MCF2L: variants seen among roughly 807,000 people sequenced by gnomAD.
The protein encoded by MCF2L is MCF.2 cell line derived transforming sequence like.
Under a neutral mutation model 153.4 loss-of-function variants are expected in MCF2L, and 97 were observed. That is an observed-to-expected ratio of 0.63 (90% CI 0.54 to 0.75). MCF2L has a LOEUF of 0.75. MCF2L is among the 30% of genes least tolerant of loss of function. The pLI is 0.00. For missense variants in MCF2L, 1,347 were observed against 1,495.2 expected (o/e 0.90, Z 1.64); for synonymous variants, 659 against 632.2 (o/e 1.04, Z -0.64).
chr13:112,998,585 G>T (rs897109994), intron 1 of MCF2L, among the ~76,000 whole-genome samples: 1 of 152,188 alleles, frequency 6.6e-6, no homozygotes, highest in African/African-American at 2.4e-5. Flanking sequence ...GGGATGGGAT[G>T]GTCGTGTGTT....
In MCF2L at chr13:113,095,146, A is replaced by C; in HGVS notation, c.3075+511A>C. The C allele has an allele frequency of 5.4e-6, 7 of 1,297,432 alleles. No individual in the cohort carries two copies. In the South Asian group the frequency reaches 8.9e-5, roughly 17 times the overall value. 80.4% of individuals were successfully genotyped at this position (1,297,432 alleles called of 1,614,324 possible). A position where few individuals can be genotyped will look rare whatever the true frequency, so the allele number is the denominator to read the frequency against. On this transcript the variant is annotated intron_variant, in intron 27 of 29. Coordinates refer to ENST00000535094, the MANE Select transcript of MCF2L (RefSeq NM_001112732.3). ...TAAGCATGGATTTGCATTTGAAAAA[A>C]CATTCATTGTTAATGTCAGAAGCAA...
chr13:113,064,639 A>AG lies in MCF2L; in HGVS notation c.606+219_606+220insG. Reference sequence around the variant, plus strand: ...GTGGCTTTCTCTGGGCTTGGAGACCAAAAAAAAAAAAAAAACCCTTGCGTT... The same window carrying AG: ...GTGGCTTTCTCTGGGCTTGGAGACCAGAAAAAAAAAAAAAAACCCTTGCGTT... On this transcript the variant is annotated intron_variant, in intron 6 of 29. Transcript: ENST00000535094. The surrounding 1 kb of genome is among the most constrained non-coding windows in gnomAD (Gnocchi z 6.0). 7.0e-6 allele frequency: 1 copy of AG among 143,788 alleles called. No homozygotes were observed. Among genetic ancestry groups the AG allele is most frequent in the Admixed American group, 7.1e-5 (1 of 14,126 alleles). 8.9% of individuals were successfully genotyped at this position (143,788 alleles called of 1,614,324 possible).
At chr13:113,090,542 C>G in intron 26 of MCF2L, 1 of 985,120 alleles carries the variant, frequency 1.0e-6, no homozygotes, top group Non-Finnish European at 1.2e-6. Flanking sequence ...GGCCGCTCAG[C>G]CATCTTCTGG....
Position 112,932,468 on chromosome 13 carries a change from T to G in MCF2L, c.169+30097T>G, listed in dbSNP as rs1192532120. Among the ~76,000 whole-genome samples, 2 of 152,160 alleles carry G rather than the reference T, an allele frequency of 1.3e-5. No homozygotes were observed. Among genetic ancestry groups the G allele is most frequent in the African/African-American group, 2.4e-5 (1 of 41,444 alleles). ...ACAGAAGAATATATTAGGCAAAAAC[T>G]GTGGAAACCTGAATAAACTGTGCAT... On this transcript the variant is annotated intron_variant, in intron 2 of 29. Transcript: ENST00000375608. This position sits in a 1 kb window ranked among gnomAD's most constrained non-coding sequence, Gnocchi z 4.6.
chr13:112,960,802 T>A lies in MCF2L; in HGVS notation c.170-53961T>A, dbSNP rs2081816259. Among the ~76,000 whole-genome samples the A allele has an allele frequency of 6.6e-6, 1 of 152,042 alleles. No individual in the cohort carries two copies. The highest frequency in any genetic ancestry group is 1.9e-4 in the East Asian group (1 of 5,186). ...TGGCCGCACCACCCAGACCCTTACA[T>A]CCATCCTCACATCTCCTCCCTGCCT... is the stretch of plus-strand genomic sequence containing the variant. On this transcript the variant is annotated intron_variant, in intron 2 of 29. Transcript: ENST00000375608. The surrounding 1 kb of genome is among the most constrained non-coding windows in gnomAD (Gnocchi z 4.2).
intron 1 of MCF2L, among the ~76,000 whole-genome samples, chr13:113,004,376 C>T (rs902066823): frequency 1.3e-5 from 2 of 152,256 alleles, no homozygotes; most frequent in Admixed American, 1.3e-4. Context: ...TCGTAGCCAA[C>T]ACCACCTCCT....
In MCF2L at chr13:113,045,261, C is replaced by T. The variant is rs41286598; in HGVS notation, c.279-10C>T. On this transcript the variant is annotated splice_polypyrimidine_tract_variant and intron_variant, in intron 3 of 29. Coordinates refer to ENST00000535094, the MANE Select transcript of MCF2L (RefSeq NM_001112732.3). This position sits in a 1 kb window ranked among gnomAD's most constrained non-coding sequence, Gnocchi z 4.2. ...CACACATTAACGGCGGCGTCTCTTC[C>T]TCACTGCAGCCTGCAGGACGCTGGC... 1 of 1,611,382 alleles carries T rather than the reference C, an allele frequency of 6.2e-7. No individual in the cohort carries two copies. Among genetic ancestry groups the T allele is most frequent in the Non-Finnish European group, 8.5e-7 (1 of 1,177,834 alleles).
Position 112,943,013 on chromosome 13 carries a change from A to G in MCF2L, c.169+40642A>G, listed in dbSNP as rs967246232. ...TATGGTGTGTGAAGATAATGGGGAC[A>G]TTTTGGAATGCCATTTGGAAGAAAT... On this transcript the variant is annotated intron_variant, in intron 2 of 29. Transcript: ENST00000375608. This position sits in a 1 kb window ranked among gnomAD's most constrained non-coding sequence, Gnocchi z 4.2. Among the ~76,000 whole-genome samples the G allele has an allele frequency of 3.9e-5, 6 of 152,200 alleles. No individual in the cohort carries two copies. The highest frequency in any genetic ancestry group is 1.4e-4 in the African/African-American group (6 of 41,450).
intron 2 of MCF2L, among the ~76,000 whole-genome samples, chr13:112,906,148 C>T (rs1352716365): frequency 6.6e-6 from 1 of 152,188 alleles, no homozygotes; most frequent in Non-Finnish European, 1.5e-5. Context: ...CTCTTGGTTT[C>T]CTTCAGGCTT....
chr13:112,953,945 G>A (rs2081725780), intron 2 of MCF2L, among the ~76,000 whole-genome samples: 1 of 152,234 alleles, frequency 6.6e-6, no homozygotes, highest in South Asian at 2.1e-4. Context: ...GAGTGTCTAG[G>A]TTGGGAAAAG....
intron 2 of MCF2L, among the ~76,000 whole-genome samples, chr13:112,925,997 GA>G (rs1015654694): frequency 9.3e-4 from 140 of 151,264 alleles, no homozygotes; most frequent in East Asian, 3.1e-3. Context: ...TATCCCTATA[GA>G]AAAAAAAATC....
chr13:113,070,673 T>C lies in MCF2L; in HGVS notation c.996+500T>C, dbSNP rs2141879387. Among the ~76,000 whole-genome samples the C allele has an allele frequency of 6.6e-6, 1 of 152,300 alleles. No individual in the cohort carries two copies. Among genetic ancestry groups the C allele is most frequent in the East Asian group, 1.9e-4 (1 of 5,174 alleles). On this transcript the variant is annotated intron_variant, in intron 9 of 29. Transcript: ENST00000535094. This position sits in a 1 kb window ranked among gnomAD's most constrained non-coding sequence, Gnocchi z 5.6. ...CTCATCTGTTTCCGTGGCTGTGCTT[T>C]TGCCATTTCAAGAATGTGACATTAA...
Position 113,027,361 on chromosome 13 carries a change from G to A in MCF2L, c.278+2603G>A, listed in dbSNP as rs574281183. 1.3e-4 allele frequency among the ~76,000 whole-genome samples: 20 copies of A among 152,200 alleles called. No homozygotes were observed. Among genetic ancestry groups the A allele is most frequent in the Admixed American group, 3.3e-4 (5 of 15,292 alleles). ...CGGTGGGCACCTCTGTCCACTTGGC[G>A]GGTTGAGGTGGGAGCTGGAGGAGCA... On this transcript the variant is annotated intron_variant, in intron 3 of 29. Transcript: ENST00000535094. This position sits in a 1 kb window ranked among gnomAD's most constrained non-coding sequence, Gnocchi z 4.8.
At chr13:112,914,781 G>GT (rs1395121909) in intron 2 of MCF2L, among the ~76,000 whole-genome samples, 9 of 151,678 alleles carry the variant, frequency 5.9e-5, no homozygotes, top group African/African-American at 1.7e-4. Flanking sequence ...ATCTTTTAAT[G>GT]TTTTCTAGGC....
chr13:113,076,271 AT>A (rs11367219), intron 12 of MCF2L, 114 bp downstream of exon 12: 69,680 of 714,270 alleles, frequency 0.098, 3,781 homozygotes, highest in East Asian at 0.3. Context: ...ATTTATTATT[AT>A]TTTTTTTTTG....
At position 113,031,784 on chromosome 13, in the gene MCF2L, G is replaced by T. The variant is rs1429216817; in HGVS notation, c.278+7026G>T. 6.6e-6 allele frequency among the ~76,000 whole-genome samples: 1 copy of T among 152,084 alleles called. No individual in the cohort carries two copies. ...AGGGACTCCATCTACCAGCCAGCTT[G>T]CCGGGACAGGGGTCACATTCAGCCC... On this transcript the variant is annotated intron_variant, in intron 3 of 29. Coordinates refer to ENST00000535094, the MANE Select transcript of MCF2L (RefSeq NM_001112732.3). The surrounding 1 kb of genome is among the most constrained non-coding windows in gnomAD (Gnocchi z 5.5).
chr13:112,918,047 A>G (rs1177420553), intron 2 of MCF2L, among the ~76,000 whole-genome samples: 2 of 152,248 alleles, frequency 1.3e-5, no homozygotes, highest in African/African-American at 4.8e-5. Flanking sequence ...AACCAGTGGC[A>G]TAATTATTTG....
intron 3 of MCF2L, among the ~76,000 whole-genome samples, chr13:113,029,632 G>A (rs534074686): frequency 9.2e-5 from 14 of 152,304 alleles, no homozygotes; most frequent in African/African-American, 2.9e-4. Flanking sequence ...ACCCTCTGCG[G>A]GGGACCCTCT....
chr13:112,933,934 A>G (rs1456200590), intron 2 of MCF2L, among the ~76,000 whole-genome samples: 1 of 152,248 alleles, frequency 6.6e-6, no homozygotes, highest in African/African-American at 2.4e-5. Context: ...TGCTGATGCC[A>G]TCTGCAGGTA....
Sources: gnomAD v4.1 joint callset for allele counts (sites outside exome capture counted in the v4.1 genomes callset) on GRCh38, gnomAD v4.1.1 for gene constraint, Gnocchi (gnomAD v3.1) non-coding constraint, MANE v1.5 for transcripts, NCBI Gene and HGNC (gene_info 2026-07-23, HGNC 2026-07-21) for gene names.